Variants in BRF1 observed in about 807,000 individuals in gnomAD.
BRF1 encodes the protein transcription factor IIIB 90 kDa subunit.
A neutral mutation model predicts 81.7 loss-of-function variants in BRF1; 59 were observed. The observed-to-expected ratio is 0.72, with a 90% CI of 0.59 to 0.90. The LOEUF is 0.90. BRF1 is among the 40% of genes least tolerant of loss of function. BRF1 has a pLI of 0.00. For synonymous variants in BRF1, 491 were observed against 395.6 expected, an observed-to-expected ratio of 1.24 and a Z score of -2.86; for missense variants, 1,050 against 936.3, an observed-to-expected ratio of 1.12 and a Z score of -1.58.
intron 3 of BRF1, among the ~76,000 whole-genome samples, chr14:105,268,396 C>T (rs2056515151): frequency 6.6e-6 from 1 of 152,256 alleles, no homozygotes; most frequent in South Asian, 2.1e-4. Flanking sequence ...CCGGGCCTTG[C>T]CAGACTCAGT....
chr14:105,290,053 T>G (rs187718730), intron 1 of BRF1, among the ~76,000 whole-genome samples: 1 of 152,362 alleles, frequency 6.6e-6, no homozygotes. Context: ...CTCACTATAT[T>G]CTAATTAGTG....
chr14:105,218,880 C>T, intron 14 of BRF1, 118 bp downstream of exon 14: 1 of 1,443,270 alleles, frequency 6.9e-7, no homozygotes, highest in Non-Finnish European at 9.5e-7. Flanking sequence ...TGGCCTCCGG[C>T]TGCCTGCCCT....
intron 4 of BRF1, 101 bp from the exon 5 acceptor site, chr14:105,252,680 C>T (rs1057460133): frequency 1.2e-5 from 15 of 1,284,526 alleles, no homozygotes; most frequent in African/African-American, 3.0e-5. Flanking sequence ...TTAAAGACTC[C>T]GATGGCCCGT....
At chr14:105,279,944 A>G (rs1218851288) in intron 2 of BRF1, among the ~76,000 whole-genome samples, 2 of 152,366 alleles carry the variant, frequency 1.3e-5, no homozygotes, top group East Asian at 3.9e-4. Context: ...GGCAAGCCAG[A>G]TGCGGACGAC....
intron 12 of BRF1, 197 bp downstream of exon 12, chr14:105,219,872 C>T (rs2141462739): frequency 1.6e-6 from 1 of 632,680 alleles, no homozygotes. Context: ...CGACAGGCCG[C>T]CCCCGAGCCG....
intron 11 of BRF1, 143 bp from the exon 12 acceptor site, chr14:105,220,273 G>T: frequency 1.3e-6 from 1 of 791,916 alleles, no homozygotes; most frequent in Non-Finnish European, 2.1e-6. Flanking sequence ...GGTGGGTCGC[G>T]CCCTGTCTGC....
chr14:105,312,230 G>A (rs1039061118), intron 1 of BRF1, among the ~76,000 whole-genome samples: 4 of 152,240 alleles, frequency 2.6e-5, no homozygotes, highest in African/African-American at 9.6e-5. Flanking sequence ...ACAGAGGAAA[G>A]GCCTCGGCCC....
intron 1 of BRF1, among the ~76,000 whole-genome samples, chr14:105,312,117 G>A (rs1457102046): frequency 6.6e-6 from 1 of 152,240 alleles, no homozygotes; most frequent in Non-Finnish European, 1.5e-5. Flanking sequence ...CTTAGCCCAG[G>A]CTGAGGAGAT....
chr14:105,259,951 T>A (rs1394608548), intron 3 of BRF1, among the ~76,000 whole-genome samples: 2 of 151,912 alleles, frequency 1.3e-5, no homozygotes, highest in Non-Finnish European at 2.9e-5. Flanking sequence ...ACAGATCATA[T>A]GATTCCATTT....
At chr14:105,250,799 T>C (rs957794543) in intron 5 of BRF1, 5 of 1,029,684 alleles carry the variant, frequency 4.9e-6, no homozygotes, top group Non-Finnish European at 5.6e-6. Context: ...CAGCTGAAGC[T>C]TGACTGTGTA....
rs368469368 is a variant in BRF1 at position 105,250,306 on chromosome 14, G to C, written c.544+2201C>G. 18 of 1,613,178 alleles carry C rather than the reference G, an allele frequency of 1.1e-5. No homozygotes were observed. In the East Asian group the frequency reaches 3.6e-4, roughly 32 times the overall value. ...GCTGCGACAGCATCCAGTTTGCAGT[G>C]GACAGAAGGGTATTTATTGCAGGGC... On this transcript the variant is annotated intron_variant, in intron 5 of 17. Coordinates refer to ENST00000547530, the MANE Select transcript of BRF1 (RefSeq NM_001519.4).
At chr14:105,248,192 C>G (rs2055256508) in intron 5 of BRF1, 1 of 985,392 alleles carries the variant, frequency 1.0e-6, no homozygotes, top group Non-Finnish European at 1.2e-6. Context: ...GCGTCCGTAG[C>G]AAGCTAAATC....
At chr14:105,257,917 G>A (rs1398826232) in intron 3 of BRF1, among the ~76,000 whole-genome samples, 1 of 152,156 alleles carries the variant, frequency 6.6e-6, no homozygotes, top group East Asian at 1.9e-4. Flanking sequence ...CGAGAGGAGG[G>A]TTCCAGGACG....
Position 105,209,665 on chromosome 14 carries a change from C to T in BRF1, c.*886G>A. 3.0e-6 allele frequency: 2 copies of T among 672,778 alleles called. No individual in the cohort carries two copies. The highest frequency in any genetic ancestry group is 5.4e-5 in the East Asian group (2 of 36,906). The allele number at this position is 672,778 out of a possible 1,614,324, so 41.7% of individuals were successfully genotyped here. A position where few individuals can be genotyped will look rare whatever the true frequency, so the allele number is the denominator to read the frequency against. The stretch of plus-strand genomic sequence containing the variant: ...CTCCCTCCTCGATGGGGGGCCTGAT[C>T]CAGCTCTGACAGGGAGCGCCACTGC... On this transcript the variant is annotated 3_prime_UTR_variant, in exon 18 of 18. Transcript: ENST00000547530.
chr14:105,298,877 C>T (rs1171593822), intron 1 of BRF1, among the ~76,000 whole-genome samples: 1 of 139,640 alleles, frequency 7.2e-6, no homozygotes, highest in Non-Finnish European at 1.6e-5. Flanking sequence ...AAAGTTAAAA[C>T]TTCTGCTTTG....
chr14:105,251,154 C>T (rs975534126), intron 5 of BRF1: 5 of 164,936 alleles, frequency 3.0e-5, no homozygotes, highest in Admixed American at 2.8e-4. Flanking sequence ...TCTCATGCAA[C>T]AGAACAGCTC....
intron 2 of BRF1, among the ~76,000 whole-genome samples, chr14:105,279,796 C>T (rs2056993045): frequency 6.6e-6 from 1 of 152,236 alleles, no homozygotes; most frequent in South Asian, 2.1e-4. Context: ...AGAATGGAAA[C>T]ACCCTAGACG....
chr14:105,217,477 C>T (rs1310848993), intron 15 of BRF1, 67 bp downstream of exon 15: 27 of 1,574,260 alleles, frequency 1.7e-5, no homozygotes, highest in African/African-American at 5.4e-5. Flanking sequence ...CTCCAGGACC[C>T]GAAGCCATGG....
At chr14:105,243,916 C>A (rs2054896036) in intron 5 of BRF1, among the ~76,000 whole-genome samples, 1 of 152,122 alleles carries the variant, frequency 6.6e-6, no homozygotes. Flanking sequence ...GGAGAATTTG[C>A]TTGAACCCGG....
Sources: gnomAD v4.1 joint callset for allele counts (sites outside exome capture counted in the v4.1 genomes callset) on GRCh38, gnomAD v4.1.1 for gene constraint, MANE v1.5 for transcripts, NCBI Gene and HGNC (gene_info 2026-07-23, HGNC 2026-07-21) for gene names.